The following CNTNAP1 variants were observed in gnomAD, a reference collection of about 807,000 sequenced individuals.
The protein encoded by CNTNAP1 is contactin associated protein 1.
In CNTNAP1, 80 loss-of-function variants were observed where a neutral mutation model predicts 161.5. That is an observed-to-expected ratio of 0.50 (90% CI 0.41 to 0.60). CNTNAP1 has a LOEUF of 0.60. Ranked by LOEUF, CNTNAP1 falls within the 20% of genes least tolerant of loss-of-function variation. CNTNAP1 has a pLI of 0.00. For missense variants in CNTNAP1, 1,464 were observed against 1,854.8 expected (o/e 0.79, Z 3.87); for synonymous variants, 695 against 733.1 (o/e 0.95, Z 0.84).
rs2143655431 is a variant in CNTNAP1 at position 42,687,758 on chromosome 17, C to T, written c.1083C>T (p.His361=). ...VAFRCLDPVP[H]PINFGGPHNF... ...TTCGTTGCCTGGACCCGGTACCGCACCCTATCAACTTCGGAGGCCCTCACA... is the reference window on the plus strand; with the variant it reads ...TTCGTTGCCTGGACCCGGTACCGCATCCTATCAACTTCGGAGGCCCTCACA... The change falls in exon 8 of 24, where the codon CAC becomes CAT. Residue 361 remains histidine (H), a synonymous_variant. Transcript: ENST00000264638. The surrounding 1 kb of genome is among the most constrained non-coding windows in gnomAD (Gnocchi z 4.7). 1 of 1,614,218 alleles carries T rather than the reference C, an allele frequency of 6.2e-7. No individual in the cohort carries two copies. The highest frequency in any genetic ancestry group is 8.5e-7 in the Non-Finnish European group (1 of 1,180,030).
At position 42,688,480 on chromosome 17, in the gene CNTNAP1, G is replaced by C; in HGVS notation, c.1325G>C (p.Gly442Ala). 2 of 1,614,212 alleles carry C rather than the reference G, an allele frequency of 1.2e-6. No homozygotes were observed. Among genetic ancestry groups the C allele is most frequent in the Non-Finnish European group, 1.7e-6 (2 of 1,180,044 alleles). Residue 442 changes from glycine (G) to alanine (A), a missense_variant, in exon 9 of 24, where the codon GGC (glycine) becomes GCC (alanine). By Grantham distance (60) the Gly-to-Ala change is moderately conservative. Coordinates refer to ENST00000264638, the MANE Select transcript of CNTNAP1 (RefSeq NM_003632.3). The part of the protein sequence containing the change: ...QFAAGYRLND[G>A]FWHEVNFVAQ... Reference sequence around the variant, plus strand: ...TGTCCAGGGTACCGACTGAATGACGGCTTTTGGCACGAGGTGAATTTTGTG... The same window carrying C: ...TGTCCAGGGTACCGACTGAATGACGCCTTTTGGCACGAGGTGAATTTTGTG...
Position 42,688,467 on chromosome 17 carries a change from C to A in CNTNAP1, c.1312C>A (p.Arg438=). 6.2e-7 allele frequency: 1 copy of A among 1,614,202 alleles called. No individual in the cohort carries two copies. The highest frequency in any genetic ancestry group is 1.3e-5 in the African/African-American group (1 of 75,030). ...CATCATCCATTCTTGTCCAGGGTAC[C>A]GACTGAATGACGGCTTTTGGCACGA... ...RKKLQFAAGY[R]LNDGFWHEVN... The change falls in exon 9 of 24, where the codon CGA becomes AGA. Residue 438 remains arginine, a synonymous_variant. Coordinates refer to ENST00000264638, the MANE Select transcript of CNTNAP1 (RefSeq NM_003632.3).
Position 42,693,408 on chromosome 17 carries a change from C to T in CNTNAP1, c.2864C>T (p.Pro955Leu), listed in dbSNP as rs150066200. 1.9e-6 allele frequency: 3 copies of T among 1,614,088 alleles called. No homozygotes were observed. The highest frequency in any genetic ancestry group is 2.5e-6 in the Non-Finnish European group (3 of 1,180,042). Residue 955 changes from proline (P) to leucine (L), a missense_variant, in exon 18 of 24, where the codon CCC becomes CTC. Transcript: ENST00000264638. ...GCCAATGCCTCTGAGGGTACCTCAC[C>T]CAACTGCACAGGCCACTGTGCCCAC... The part of the protein sequence containing the change: ...GRANASEGTS[P>L]NCTGHCAHPR...
At chr17:42,684,732 T>G (rs1203484265) in intron 3 of CNTNAP1, among the ~76,000 whole-genome samples, 1 of 151,472 alleles carries the variant, frequency 6.6e-6, no homozygotes, top group East Asian at 1.9e-4. Context: ...ATGACCAGCC[T>G]GGCCAACATG....
At chr17:42,697,993 T>A in intron 23 of CNTNAP1, 43 bp downstream of exon 23, 1 of 1,608,918 alleles carries the variant, frequency 6.2e-7, no homozygotes, top group South Asian at 1.1e-5. Flanking sequence ...AAGACTACCC[T>A]CTGACTGTCA....
chr17:42,684,787 G>A (rs150544813), intron 3 of CNTNAP1, among the ~76,000 whole-genome samples: 1 of 152,028 alleles, frequency 6.6e-6, no homozygotes, highest in South Asian at 2.1e-4. Context: ...TCAGCCGGGC[G>A]TAGTGGCGGG....
At position 42,693,328 on chromosome 17, in the gene CNTNAP1, G is replaced by A. The variant is rs748795364; in HGVS notation, c.2784G>A (p.Val928=). The change falls in exon 18 of 24, where the codon GTG becomes GTA. Residue 928 remains valine (V), a synonymous_variant. Transcript: ENST00000264638. ...GSAELKRRPF[V]GCLRAMRLNG... Reference sequence around the variant, plus strand: ...CAGAGCTTAAGAGACGCCCCTTTGTGGGTTGCTTGAGGGCCATGCGTCTGA... The same window carrying A: ...CAGAGCTTAAGAGACGCCCCTTTGTAGGTTGCTTGAGGGCCATGCGTCTGA... 1 of 1,614,162 alleles carries A rather than the reference G, an allele frequency of 6.2e-7. No individual in the cohort carries two copies. Among genetic ancestry groups the A allele is most frequent in the Non-Finnish European group, 8.5e-7 (1 of 1,180,034 alleles).
At position 42,685,147 on chromosome 17, in the gene CNTNAP1, G is replaced by A. The variant is rs761264256; in HGVS notation, c.511+9G>A. 6.2e-7 allele frequency: 1 copy of A among 1,601,586 alleles called. No homozygotes were observed. The highest frequency in any genetic ancestry group is 8.5e-7 in the Non-Finnish European group (1 of 1,172,968). On this transcript the variant is annotated intron_variant, in intron 4 of 23. Transcript: ENST00000264638. This position sits in a 1 kb window ranked among gnomAD's most constrained non-coding sequence, Gnocchi z 5.0. ...CTATGGCTGCCCATACAGTAAGTGT[G>A]CAGAGAGCGCGGAGGGGGCCTGGGA...
At chr17:42,688,820 G>C in intron 9 of CNTNAP1, 56 bp from the exon 10 acceptor site, 1 of 1,601,888 alleles carries the variant, frequency 6.2e-7, no homozygotes, top group East Asian at 2.2e-5. Flanking sequence ...CATGTCCCTG[G>C]GGGAGGGTCT....
chr17:42,687,132 C>T lies in CNTNAP1; in HGVS notation c.1044+86C>T. The stretch of plus-strand genomic sequence containing the variant: ...TGGAGCGGGAAGAGATATTGAACAT[C>T]AGATAAAAGCGGAGAATCCCTCTGT... On this transcript the variant is annotated intron_variant, in intron 7 of 23. Coordinates refer to ENST00000264638, the MANE Select transcript of CNTNAP1 (RefSeq NM_003632.3). This position sits in a 1 kb window ranked among gnomAD's most constrained non-coding sequence, Gnocchi z 4.7. 1 of 1,525,242 alleles carries T rather than the reference C, an allele frequency of 6.6e-7. No individual in the cohort carries two copies. Among genetic ancestry groups the T allele is most frequent in the Non-Finnish European group, 8.9e-7 (1 of 1,123,378 alleles). The allele number at this position is 1,525,242 out of a possible 1,614,324, so 94.5% of individuals were successfully genotyped here.
chr17:42,685,968 A>C lies in CNTNAP1; in HGVS notation c.727A>C (p.Ile243Leu). 1 of 1,614,068 alleles carries C rather than the reference A, an allele frequency of 6.2e-7. No homozygotes were observed. Among genetic ancestry groups the C allele is most frequent in the South Asian group, 1.1e-5 (1 of 91,066 alleles). The stretch of plus-strand genomic sequence containing the variant: ...TGCCCCACCCTCAGGCAGCAGCCCT[A>C]TCCAGCCAAGACCAGGTCACACCAC... The part of the protein sequence containing the change: ...LLHMSLGSSP[I>L]QPRPGHTTVS... The change falls in exon 6 of 24, where the codon ATC becomes CTC. Residue 243 changes from isoleucine to leucine, a missense_variant. Physicochemically the swap from Ile to Leu is conservative, Grantham distance 5 (BLOSUM62 2). Coordinates refer to ENST00000264638, the MANE Select transcript of CNTNAP1 (RefSeq NM_003632.3). The surrounding 1 kb of genome is among the most constrained non-coding windows in gnomAD (Gnocchi z 5.0).
chr17:42,688,984 T>A lies in CNTNAP1; in HGVS notation c.1565T>A (p.Val522Glu). 6.2e-7 allele frequency: 1 copy of A among 1,613,142 alleles called. No homozygotes were observed. The highest frequency in any genetic ancestry group is 8.5e-7 in the Non-Finnish European group (1 of 1,179,516). ...GGTCAACTGGTCAACCTGACTCTGG[T>A]GGAGGGCCGGCGGCTTGGATTCTAT... ...VDGQLVNLTL[V>E]EGRRLGFYAE... The change falls in exon 10 of 24, where the codon GTG becomes GAG. Residue 522 changes from valine to glutamate, a missense_variant. Val to Glu is a moderately radical substitution (Grantham distance 121, BLOSUM62 -2). Around this residue, in one of 3 missense-constraint regions of CNTNAP1, gnomAD observed 1,383 missense variants for 1,765.0 expected, o/e 0.78. Coordinates refer to ENST00000264638, the MANE Select transcript of CNTNAP1 (RefSeq NM_003632.3).
In CNTNAP1 at chr17:42,693,419, G is replaced by A. The variant is rs367718366; in HGVS notation, c.2875G>A (p.Gly959Ser). Residue 959 changes from glycine to serine, a missense_variant, in exon 18 of 24, where the codon GGC (glycine) becomes AGC (serine). By Grantham distance (56) the Gly-to-Ser change is moderately conservative. Transcript: ENST00000264638. ...TGAGGGTACCTCACCCAACTGCACA[G>A]GCCACTGTGCCCACCCTCGGCTCCC... ...ASEGTSPNCT[G>S]HCAHPRLPCF... The A allele has an allele frequency of 1.9e-6, 3 of 1,614,134 alleles. No homozygotes were observed. The African/African-American group carries it at 4.0e-5, about 22-fold the overall frequency.
At position 42,691,448 on chromosome 17, in the gene CNTNAP1, G is replaced by T; in HGVS notation, c.2281G>T (p.Asp761Tyr). The stretch of plus-strand genomic sequence containing the variant: ...GCCTGTCACTCAGGTAGTGATAGGG[G>T]ATACGAACCGCTCCACTTCTGAGGC... ...HLPVTQVVIG[D>Y]TNRSTSEAQF... The change falls in exon 15 of 24, where the codon GAT becomes TAT. Residue 761 changes from aspartate to tyrosine, a missense_variant. Asp to Tyr is a radical substitution (Grantham distance 160). Transcript: ENST00000264638. This position sits in a 1 kb window ranked among gnomAD's most constrained non-coding sequence, Gnocchi z 4.3. 1 of 1,613,942 alleles carries T rather than the reference G, an allele frequency of 6.2e-7. No individual in the cohort carries two copies. The highest frequency in any genetic ancestry group is 2.2e-5 in the East Asian group (1 of 44,878).
rs539966924 is a variant in CNTNAP1, at chr17:42,691,393, C to T, written c.2226C>T (p.Asp742=). The T allele has an allele frequency of 7.4e-6, 12 of 1,614,062 alleles. No homozygotes were observed. Among genetic ancestry groups the T allele is most frequent in the Middle Eastern group, 1.6e-4 (1 of 6,062 alleles). ...CDADQPQWRT[D]KGLLTFVDHL... is the part of the protein sequence containing the mutation. ...CATCCTGCCCCCACAGGAGAACTGACAAGGGACTGCTGACCTTTGTGGACC... is the reference window on the plus strand; with the variant it reads ...CATCCTGCCCCCACAGGAGAACTGATAAGGGACTGCTGACCTTTGTGGACC... Residue 742 remains aspartate (D), a synonymous_variant, in exon 15 of 24, where the codon GAC becomes GAT. Transcript: ENST00000264638. The surrounding 1 kb of genome is among the most constrained non-coding windows in gnomAD (Gnocchi z 4.3).
intron 23 of CNTNAP1, 43 bp downstream of exon 23, chr17:42,697,993 TCTGA>T (rs773034951): frequency 6.2e-7 from 1 of 1,608,800 alleles, no homozygotes; most frequent in Non-Finnish European, 8.5e-7. Flanking sequence ...AAGACTACCC[TCTGA>T]CTGTCAGCAT....
chr17:42,694,176 CTT>C (rs1335535599), intron 18 of CNTNAP1, among the ~76,000 whole-genome samples: 2 of 142,176 alleles, frequency 1.4e-5, no homozygotes. Flanking sequence ...TTTCTTTTTT[CTT>C]TTTTTTTTTT....
intron 20 of CNTNAP1, among the ~76,000 whole-genome samples, chr17:42,696,840 G>A (rs901624215): frequency 4.6e-5 from 7 of 151,910 alleles, no homozygotes; most frequent in African/African-American, 9.7e-5. Flanking sequence ...AAGTCAAACC[G>A]CTGGTAAGCT....
Position 42,699,603 on chromosome 17 carries a change from T to C in CNTNAP1, c.*693T>C, listed in dbSNP as rs2053200648. 6.5e-6 allele frequency: 1 copy of C among 152,804 alleles called. No homozygotes were observed. 9.5% of individuals were successfully genotyped at this position (152,804 alleles called of 1,614,324 possible). Reference sequence around the variant, plus strand: ...TCTACTCCTCCAACCTTTTCCAAGATATGCAATGGCCTTTGTGCCTGCCCA... The same window carrying C: ...TCTACTCCTCCAACCTTTTCCAAGACATGCAATGGCCTTTGTGCCTGCCCA... On this transcript the variant is annotated 3_prime_UTR_variant, in exon 24 of 24. Coordinates refer to ENST00000264638, the MANE Select transcript of CNTNAP1 (RefSeq NM_003632.3).
Sources: gnomAD v4.1 joint callset for allele counts (sites outside exome capture counted in the v4.1 genomes callset) on GRCh38, gnomAD v4.1.1 for gene constraint, gnomAD v4.1.1 regional missense constraint, Gnocchi (gnomAD v3.1) non-coding constraint, MANE v1.5 for transcripts, NCBI Gene and HGNC (gene_info 2026-07-23, HGNC 2026-07-21) for gene names.